ZEB2: variants seen among roughly 807,000 people sequenced by gnomAD.
The protein encoded by ZEB2 is zinc finger E-box-binding homeobox 2.
A neutral mutation model predicts 99.9 loss-of-function variants in ZEB2; 6 were observed. The observed-to-expected ratio is 0.06, with a 90% CI of 0.03 to 0.12. ZEB2 has a LOEUF of 0.12. Ranked by LOEUF, ZEB2 falls within the 10% of genes least tolerant of loss-of-function variation. ZEB2 has a pLI of 1.00. For missense variants in ZEB2, 969 were observed against 1,502.8 expected, an observed-to-expected ratio of 0.64 and a Z score of 5.87; for synonymous variants, 517 against 542.5, an observed-to-expected ratio of 0.95 and a Z score of 0.65.
chr2:144,484,744 T>G (rs1704569725), intron 2 of ZEB2, among the ~76,000 whole-genome samples: 1 of 151,962 alleles, frequency 6.6e-6, no homozygotes, highest in South Asian at 2.1e-4. Context: ...ATAGGCTTAG[T>G]GGAATGCGAC....
At chr2:144,510,589 G>A (rs1249866435) in intron 2 of ZEB2, among the ~76,000 whole-genome samples, 1 of 152,046 alleles carries the variant, frequency 6.6e-6, no homozygotes, top group Non-Finnish European at 1.5e-5. Context: ...GGAGGGACAG[G>A]GCCTGGTGGA....
chr2:144,471,950 T>C (rs1342523863), intron 2 of ZEB2, among the ~76,000 whole-genome samples: 1 of 152,118 alleles, frequency 6.6e-6, no homozygotes, highest in Non-Finnish European at 1.5e-5. Context: ...AGTCAGAGTT[T>C]TCATTTGTTT....
intron 1 of ZEB2, chr2:144,517,778 C>T (rs1705186852): frequency 5.9e-6 from 4 of 682,630 alleles, no homozygotes; most frequent in African/African-American, 1.8e-5. Flanking sequence ...GCCCCCGGCT[C>T]GGGAACTTGG....
Position 144,514,013 on chromosome 2 carries a change from C to G in ZEB2, c.73+3265G>C, listed in dbSNP as rs1205240568. On this transcript the variant is annotated intron_variant, in intron 2 of 9. Transcript: ENST00000627532. ...CCACTCCCTCTTTCCTCCTGCACAT[C>G]TTATTTTCTGGGAAGAGATTTCATC... 21 of 859,062 alleles carry G rather than the reference C, an allele frequency of 2.4e-5. No individual in the cohort carries two copies. In the East Asian group the frequency reaches 5.7e-4, roughly 23 times the overall value. The allele number at this position is 859,062 out of a possible 1,614,324, so 53.2% of individuals were successfully genotyped here.
chr2:144,421,224 G>C (rs560402870), intron 4 of ZEB2, among the ~76,000 whole-genome samples: 1 of 152,266 alleles, frequency 6.6e-6, no homozygotes, highest in South Asian at 2.1e-4. Context: ...GATCCATGGC[G>C]ATAAAGCAGC....
chr2:144,412,321 A>G (rs990646530), intron 4 of ZEB2, among the ~76,000 whole-genome samples: 3 of 152,236 alleles, frequency 2.0e-5, no homozygotes, highest in African/African-American at 7.2e-5. Context: ...TGTCTTTCAC[A>G]TTACTGTGTA....
intron 4 of ZEB2, 94 bp downstream of exon 4, chr2:144,424,702 G>A (rs1191923582): frequency 1.4e-6 from 2 of 1,410,386 alleles, no homozygotes; most frequent in Non-Finnish European, 2.0e-6. Context: ...AAGTCATGGA[G>A]ATACAAATGG....
At chr2:144,464,886 C>T (rs899649193) in intron 2 of ZEB2, among the ~76,000 whole-genome samples, 4 of 152,166 alleles carry the variant, frequency 2.6e-5, no homozygotes, top group African/African-American at 9.7e-5. Flanking sequence ...TAAAACAAGC[C>T]TTAATGAGGC....
At position 144,513,532 on chromosome 2, in the gene ZEB2, A is replaced by G. The variant is rs773108435; in HGVS notation, c.73+3746T>C. The G allele has an allele frequency of 1.7e-5, 26 of 1,529,674 alleles. No homozygotes were observed. In the South Asian group the frequency reaches 2.5e-4, roughly 15 times the overall value. The allele number at this position is 1,529,674 out of a possible 1,614,324, so 94.8% of individuals were successfully genotyped here. A position where few individuals can be genotyped will look rare whatever the true frequency, so the allele number is the denominator to read the frequency against. On this transcript the variant is annotated intron_variant, in intron 2 of 9. Coordinates refer to ENST00000627532, the MANE Select transcript of ZEB2 (RefSeq NM_014795.4). ...AGACAACTTCATTTCTTTCTCTGAA[A>G]CAAGCAGTTTCCGGATTTGATTTTT...
intron 6 of ZEB2, among the ~76,000 whole-genome samples, chr2:144,401,753 T>C (rs1703314262): frequency 6.6e-6 from 1 of 152,130 alleles, no homozygotes; most frequent in Non-Finnish European, 1.5e-5. Context: ...AAGTTATCAA[T>C]TTTTTTGTAT....
intron 2 of ZEB2, among the ~76,000 whole-genome samples, chr2:144,465,934 C>T (rs540098597): frequency 1.3e-5 from 2 of 152,104 alleles, no homozygotes; most frequent in African/African-American, 2.4e-5. Flanking sequence ...TCTACACCGT[C>T]GATTGCGGCG....
intron 4 of ZEB2, among the ~76,000 whole-genome samples, chr2:144,424,169 G>A (rs1246880397): frequency 6.6e-6 from 1 of 152,116 alleles, no homozygotes; most frequent in Non-Finnish European, 1.5e-5. Flanking sequence ...CAGTAGCAGA[G>A]TAAAACAAAA....
chr2:144,503,143 C>T (rs935430935), intron 2 of ZEB2, among the ~76,000 whole-genome samples: 1 of 152,106 alleles, frequency 6.6e-6, no homozygotes, highest in Non-Finnish European at 1.5e-5. Flanking sequence ...AGGCTACTGG[C>T]AATCTATTTA....
At chr2:144,409,737 G>T (rs1030775968) in intron 4 of ZEB2, among the ~76,000 whole-genome samples, 6 of 151,972 alleles carry the variant, frequency 3.9e-5, no homozygotes, top group African/African-American at 1.2e-4. Flanking sequence ...GAAAGTAAAA[G>T]AATTAGCCTG....
chr2:144,517,253 A>G (rs1035070921), intron 2 of ZEB2, 25 bp downstream of exon 2: 2 of 1,612,696 alleles, frequency 1.2e-6, no homozygotes, highest in Non-Finnish European at 1.7e-6. Flanking sequence ...TGGCCCGGAA[A>G]AGTTTGGTTC....
intron 9 of ZEB2, chr2:144,390,558 CAG>C (rs1703143153): frequency 9.8e-6 from 2 of 204,182 alleles, no homozygotes; most frequent in Non-Finnish European, 2.0e-5. Context: ...GTGGAAGAAA[CAG>C]AGGAAAGAGG....
At chr2:144,497,906 C>A (rs1193682275) in intron 2 of ZEB2, 1 of 7,996 alleles carries the variant, frequency 1.3e-4, no homozygotes, top group African/African-American at 4.8e-4. Context: ...TCATTCTCAA[C>A]ATATATATTA....
intron 2 of ZEB2, among the ~76,000 whole-genome samples, chr2:144,486,065 A>G (rs1235739731): frequency 6.6e-6 from 1 of 152,252 alleles, no homozygotes; most frequent in Non-Finnish European, 1.5e-5. Context: ...TTATACCAAT[A>G]GTGACATATA....
chr2:144,432,147 C>T (rs1402636899), intron 2 of ZEB2, among the ~76,000 whole-genome samples: 1 of 152,086 alleles, frequency 6.6e-6, no homozygotes. Flanking sequence ...ATGAACAGCC[C>T]TTGAGGAGTC....
Sources: gnomAD v4.1 joint callset for allele counts (sites outside exome capture counted in the v4.1 genomes callset) on GRCh38, gnomAD v4.1.1 for gene constraint, MANE v1.5 for transcripts, NCBI Gene and HGNC (gene_info 2026-07-23, HGNC 2026-07-21) for gene names.